Variants in PLEKHA7 observed in about 807,000 individuals in gnomAD.
PLEKHA7 encodes the protein pleckstrin homology domain containing A7, also known as pleckstrin homology domain-containing family A member 7.
PLEKHA7 carries 104 observed loss-of-function variants against 170.0 expected under a neutral mutation model. The observed-to-expected ratio is 0.61, with a 90% CI of 0.52 to 0.72. The LOEUF (loss-of-function observed/expected upper bound fraction) is 0.72. PLEKHA7 is among the 30% of genes least tolerant of loss of function. PLEKHA7 has a pLI of 0.00. For missense variants in PLEKHA7, 1,615 were observed against 1,671.7 expected (o/e 0.97, Z 0.59); for synonymous variants, 648 against 660.8 (o/e 0.98, Z 0.30).
chr11:16,779,490 C>A, intron 26 of PLEKHA7, among the ~76,000 whole-genome samples: 1 of 152,192 alleles, frequency 6.6e-6, no homozygotes, highest in Middle Eastern at 3.2e-3. Flanking sequence ...AGGAACAGAA[C>A]CTCTCTCCTG....
chr11:16,818,727 C>T (rs1849967154), intron 10 of PLEKHA7, among the ~76,000 whole-genome samples: 1 of 152,200 alleles, frequency 6.6e-6, no homozygotes, highest in Non-Finnish European at 1.5e-5. Context: ...TCAATAAACA[C>T]TCCAGCACAC....
At chr11:16,862,773 G>A (rs771159491) in intron 4 of PLEKHA7, among the ~76,000 whole-genome samples, 3 of 152,136 alleles carry the variant, frequency 2.0e-5, no homozygotes, top group Non-Finnish European at 2.9e-5. Flanking sequence ...CTTCCCCTAC[G>A]TGCGACTATC....
At chr11:16,970,971 C>G (rs1005218365) in intron 3 of PLEKHA7, among the ~76,000 whole-genome samples, 3 of 152,122 alleles carry the variant, frequency 2.0e-5, no homozygotes, top group African/African-American at 7.2e-5. Context: ...GTTATATATC[C>G]TTTAAAGTGC....
At chr11:16,935,817 A>AT (rs1233544190) in intron 3 of PLEKHA7, among the ~76,000 whole-genome samples, 1 of 152,046 alleles carries the variant, frequency 6.6e-6, no homozygotes, top group Non-Finnish European at 1.5e-5. Flanking sequence ...TTTGTCTAGC[A>AT]TTTTTTTTAT....
intron 3 of PLEKHA7, among the ~76,000 whole-genome samples, chr11:16,879,948 G>A (rs1335786116): frequency 6.6e-6 from 1 of 152,210 alleles, no homozygotes; most frequent in Non-Finnish European, 1.5e-5. Flanking sequence ...CCCATGACTT[G>A]GGGTTGCTAC....
At chr11:16,830,254 G>T (rs1851005553) in intron 9 of PLEKHA7, among the ~76,000 whole-genome samples, 1 of 152,224 alleles carries the variant, frequency 6.6e-6, no homozygotes, top group East Asian at 1.9e-4. Context: ...GAAGTGCTGG[G>T]ATTACAGGCA....
At chr11:17,009,676 T>A (rs377416095) in intron 3 of PLEKHA7, among the ~76,000 whole-genome samples, 1 of 151,974 alleles carries the variant, frequency 6.6e-6, no homozygotes, top group Non-Finnish European at 1.5e-5. Context: ...CACTCTGTCA[T>A]CCAGGCTGGA....
intron 10 of PLEKHA7, among the ~76,000 whole-genome samples, chr11:16,820,034 C>T (rs576076999): frequency 1.4e-4 from 21 of 152,254 alleles, no homozygotes; most frequent in African/African-American, 4.8e-4. Flanking sequence ...TATATTAAAA[C>T]ATCACATCTA....
chr11:16,841,261 T>C (rs1325613696), intron 9 of PLEKHA7, among the ~76,000 whole-genome samples: 1 of 152,142 alleles, frequency 6.6e-6, no homozygotes, highest in Non-Finnish European at 1.5e-5. Flanking sequence ...AAGACCTTTC[T>C]TGCCTGTCCT....
chr11:16,960,795 G>T (rs1862012340), intron 3 of PLEKHA7, among the ~76,000 whole-genome samples: 1 of 152,120 alleles, frequency 6.6e-6, no homozygotes, highest in Non-Finnish European at 1.5e-5. Flanking sequence ...ATGCCTTAGG[G>T]TGGGAACACT....
chr11:17,003,788 G>C (rs921407292), intron 3 of PLEKHA7, among the ~76,000 whole-genome samples: 2 of 152,170 alleles, frequency 1.3e-5, no homozygotes, highest in Non-Finnish European at 2.9e-5. Flanking sequence ...TGTGCTTTGG[G>C]CTTCAACAAA....
intron 3 of PLEKHA7, among the ~76,000 whole-genome samples, chr11:16,969,976 C>T (rs1247111423): frequency 1.3e-5 from 2 of 152,050 alleles, no homozygotes; most frequent in Admixed American, 6.5e-5. Context: ...TCAAAGACAA[C>T]GAGTAAACTA....
At chr11:16,784,534 C>G (rs1157301442) in intron 24 of PLEKHA7, among the ~76,000 whole-genome samples, 1 of 152,206 alleles carries the variant, frequency 6.6e-6, no homozygotes, top group Non-Finnish European at 1.5e-5. Context: ...AAAATGGCCC[C>G]AAATTTCACC....
At chr11:16,983,375 A>G (rs1379039460) in intron 3 of PLEKHA7, among the ~76,000 whole-genome samples, 1 of 152,148 alleles carries the variant, frequency 6.6e-6, no homozygotes, top group African/African-American at 2.4e-5. Flanking sequence ...GGCAAACCAC[A>G]TCAGACCATG....
At chr11:16,966,647 A>C (rs1041357659) in intron 3 of PLEKHA7, among the ~76,000 whole-genome samples, 1 of 152,036 alleles carries the variant, frequency 6.6e-6, no homozygotes, top group Admixed American at 6.5e-5. Flanking sequence ...CTCAGAATCC[A>C]AGTGGAGCCT....
At chr11:16,802,884 C>T (rs1590168386) in intron 15 of PLEKHA7, 88 bp downstream of exon 15, 3 of 1,140,310 alleles carry the variant, frequency 2.6e-6, no homozygotes, top group East Asian at 4.7e-5. Flanking sequence ...CTCTTCAATA[C>T]TAACATGAGG....
intron 4 of PLEKHA7, among the ~76,000 whole-genome samples, chr11:16,865,549 C>T (rs964242657): frequency 3.3e-5 from 5 of 151,650 alleles, no homozygotes; most frequent in Non-Finnish European, 7.4e-5. Context: ...CACAGTGAAA[C>T]CCCATCTCTA....
chr11:16,837,895 G>C (rs1302555370), intron 9 of PLEKHA7, among the ~76,000 whole-genome samples: 1 of 152,146 alleles, frequency 6.6e-6, no homozygotes, highest in East Asian at 1.9e-4. Flanking sequence ...CTGTAGTTGA[G>C]CTCCAGGCCC....
intron 3 of PLEKHA7, among the ~76,000 whole-genome samples, chr11:16,886,594 T>C (rs1856123797): frequency 6.6e-6 from 1 of 151,354 alleles, no homozygotes; most frequent in Non-Finnish European, 1.5e-5. Context: ...ACCTGTAATC[T>C]CATCTACTCA....
Sources: gnomAD v4.1 joint callset for allele counts (sites outside exome capture counted in the v4.1 genomes callset) on GRCh38, gnomAD v4.1.1 for gene constraint, MANE v1.5 for transcripts, NCBI Gene and HGNC (gene_info 2026-07-23, HGNC 2026-07-21) for gene names.